Variants in CEP350 observed in about 807,000 individuals in gnomAD.
The protein encoded by CEP350 is centrosome-associated protein 350.
A neutral mutation model predicts 331.8 loss-of-function variants in CEP350; 126 were observed. The observed-to-expected ratio is 0.38, with a 90% confidence interval of 0.33 to 0.44. The LOEUF is 0.44. Ranked by LOEUF, CEP350 falls within the 20% of genes least tolerant of loss-of-function variation. The pLI, the probability that CEP350 is intolerant of heterozygous loss-of-function variation, is 1.00. For missense variants in CEP350, 3,406 were observed against 3,634.6 expected (o/e 0.94, Z 1.62); for synonymous variants, 1,200 against 1,259.5 (o/e 0.95, Z 1.00).
chr1:180,010,106 AT>A (rs1368464309), intron 8 of CEP350, among the ~76,000 whole-genome samples: 6 of 151,980 alleles, frequency 3.9e-5, no homozygotes, highest in African/African-American at 7.2e-5. Context: ...GTTTATTTAA[AT>A]TTTTTTGTAT....
At chr1:180,071,146 CAAAAA>C (rs57487170) in intron 27 of CEP350, among the ~76,000 whole-genome samples, 1,076 of 63,214 alleles carry the variant, frequency 0.017, 11 homozygotes, top group Non-Finnish European at 0.024. Context: ...GACTCCATCT[CAAAAA>C]AAAAAAAAAA....
chr1:180,041,025 C>T (rs967696321), intron 17 of CEP350, 113 bp from the exon 18 acceptor site: 1 of 732,944 alleles, frequency 1.4e-6, no homozygotes, highest in Non-Finnish European at 2.2e-6. Flanking sequence ...CCTTTTGGTT[C>T]TAATTAGTTG....
chr1:180,036,958 C>T lies in CEP350; in HGVS notation c.3979C>T (p.His1327Tyr). The T allele has an allele frequency of 6.3e-7, 1 of 1,585,358 alleles. No homozygotes were observed. The highest frequency in any genetic ancestry group is 2.3e-5 in the East Asian group (1 of 44,112). ...SKRFSPAGLH[H>Y]RMAAELSYLN... ...GCGCTTTTCTCCTGCTGGCCTCCAT[C>T]ATCGTATGGCAGCAGAACTCAGTTA... The change falls in exon 17 of 38, where the codon CAT becomes TAT. Residue 1327 changes from histidine to tyrosine, a missense_variant. Transcript: ENST00000367607.
intron 1 of CEP350, among the ~76,000 whole-genome samples, chr1:179,976,483 T>C (rs1472127018): frequency 6.6e-6 from 1 of 152,122 alleles, no homozygotes. Flanking sequence ...TTTTGTAGTA[T>C]ATTTGAGATT....
At chr1:180,110,207 G>C (rs1389180727) in intron 37 of CEP350, among the ~76,000 whole-genome samples, 1 of 152,000 alleles carries the variant, frequency 6.6e-6, no homozygotes, top group Non-Finnish European at 1.5e-5. Context: ...ATTGTCTTTC[G>C]ATATATGCAT....
At chr1:180,108,566 GAAT>G (rs1312471847) in intron 37 of CEP350, among the ~76,000 whole-genome samples, 1 of 152,118 alleles carries the variant, frequency 6.6e-6, no homozygotes, top group Non-Finnish European at 1.5e-5. Flanking sequence ...GCGCAACTTT[GAAT>G]AACAAATTCA....
intron 11 of CEP350, among the ~76,000 whole-genome samples, chr1:180,017,342 T>C (rs1655039742): frequency 6.6e-6 from 1 of 152,200 alleles, no homozygotes. Flanking sequence ...ACATTTTTGT[T>C]TTGAATTTGA....
intron 8 of CEP350, among the ~76,000 whole-genome samples, chr1:180,010,905 C>T (rs997777909): frequency 6.6e-5 from 10 of 152,104 alleles, no homozygotes; most frequent in African/African-American, 2.4e-4. Context: ...CCACCATGCC[C>T]GACCTCTGTT....
At chr1:180,063,056 T>G (rs775780153) in intron 26 of CEP350, among the ~76,000 whole-genome samples, 1 of 152,196 alleles carries the variant, frequency 6.6e-6, no homozygotes, top group Admixed American at 6.5e-5. Context: ...TATTTATCAA[T>G]CCAAACAAAT....
chr1:180,085,886 C>T (rs571887022), intron 31 of CEP350: 25 of 152,282 alleles, frequency 1.6e-4, no homozygotes, highest in African/African-American at 6.0e-4. Context: ...GCCAGGAGCT[C>T]AGCTAATTAC....
intron 34 of CEP350, 128 bp from the exon 35 acceptor site, chr1:180,095,395 T>C (rs1660426494): frequency 8.9e-7 from 1 of 1,119,374 alleles, no homozygotes; most frequent in Non-Finnish European, 1.2e-6. Flanking sequence ...CACCATATTG[T>C]TTTTTATTCT....
chr1:179,971,706 T>C (rs532988121), intron 1 of CEP350, among the ~76,000 whole-genome samples: 2 of 152,296 alleles, frequency 1.3e-5, no homozygotes, highest in African/African-American at 4.8e-5. Context: ...ATTTTTCAAC[T>C]CTTTTTAGTG....
At chr1:180,024,639 T>C in intron 14 of CEP350, 57 bp downstream of exon 14, 9 of 1,528,764 alleles carry the variant, frequency 5.9e-6, no homozygotes, top group Non-Finnish European at 7.9e-6. Flanking sequence ...GTTGTAGTAA[T>C]CTAAAGTTAT....
chr1:180,096,288 G>T (rs1183377431), intron 36 of CEP350, 104 bp downstream of exon 36: 10 of 1,288,026 alleles, frequency 7.8e-6, no homozygotes, highest in Non-Finnish European at 1.0e-5. Flanking sequence ...ATTAACCTTT[G>T]TGTCTTCAGG....
chr1:180,065,339 A>T, intron 27 of CEP350, 67 bp downstream of exon 27: 4 of 1,407,132 alleles, frequency 2.8e-6, no homozygotes, highest in South Asian at 1.4e-5. Context: ...TAACATTTGT[A>T]ATAATACTTC....
chr1:180,084,205 G>A, intron 31 of CEP350, 27 bp downstream of exon 31: 2 of 1,558,452 alleles, frequency 1.3e-6, no homozygotes, highest in Non-Finnish European at 1.7e-6. Context: ...AGGGGGTTTA[G>A]TATCAAGGCT....
chr1:179,956,409 A>G (rs930190842), intron 1 of CEP350, among the ~76,000 whole-genome samples: 1 of 152,204 alleles, frequency 6.6e-6, no homozygotes, highest in African/African-American at 2.4e-5. Flanking sequence ...GGCAAGTTGT[A>G]TATGTAAAAA....
chr1:180,108,941 AAG>A (rs1354292852), intron 37 of CEP350, among the ~76,000 whole-genome samples: 1 of 152,194 alleles, frequency 6.6e-6, no homozygotes, highest in Non-Finnish European at 1.5e-5. Flanking sequence ...CTAAAAGAGA[AAG>A]AATGTGGCAG....
intron 1 of CEP350, among the ~76,000 whole-genome samples, chr1:179,972,317 A>T (rs1374141217): frequency 6.6e-6 from 1 of 152,094 alleles, no homozygotes; most frequent in Admixed American, 6.5e-5. Flanking sequence ...CTGAACTTCA[A>T]GGTTTAAAAG....
Sources: gnomAD v4.1 joint callset for allele counts (sites outside exome capture counted in the v4.1 genomes callset) on GRCh38, gnomAD v4.1.1 for gene constraint, MANE v1.5 for transcripts, NCBI Gene and HGNC (gene_info 2026-07-23, HGNC 2026-07-21) for gene names.